KREMEN1: variants seen among roughly 807,000 people sequenced by gnomAD.
KREMEN1 encodes the protein kringle containing transmembrane protein 1, also known as kremen protein 1.
Under a neutral mutation model 46.5 loss-of-function variants are expected in KREMEN1, and 30 were observed. The ratio of observed to expected loss-of-function variants is 0.65; its 90% CI spans 0.48 to 0.88. The LOEUF (loss-of-function observed/expected upper bound fraction) is 0.88, where lower values mean the gene tolerates loss of function less well. Among genes scored for constraint, KREMEN1 ranks in the 40% least tolerant of loss-of-function variants. The pLI is 0.00. For missense variants in KREMEN1, 533 were observed against 596.9 expected (o/e 0.89, Z 1.11); for synonymous variants, 214 against 230.6 (o/e 0.93, Z 0.65).
chr22:29,101,729 CAGGTTTGTAGCCT>C (rs1337434587), intron 3 of KREMEN1, among the ~76,000 whole-genome samples: 1 of 152,186 alleles, frequency 6.6e-6, no homozygotes, highest in Non-Finnish European at 1.5e-5. Flanking sequence ...ACATGCTGCT[CAGGTTTGTAGCCT>C]AGGAGTGACA....
intron 4 of KREMEN1, among the ~76,000 whole-genome samples, chr22:29,124,511 G>A (rs1372990173): frequency 7.1e-5 from 10 of 141,440 alleles, no homozygotes; most frequent in Admixed American, 3.6e-4. Context: ...TTTTTTCTTT[G>A]AGACAGAGTC....
Position 29,167,496 on chromosome 22 carries a change from C to G in KREMEN1, c.*390C>G, listed in dbSNP as rs376220051. ...CTTTGGGACCTTTGGGGGTGAGTTC[C>G]CCTTTGTCCTCTCGTGGAAACAGCA... On this transcript the variant is annotated 3_prime_UTR_variant, in exon 10 of 10. Transcript: ENST00000327813. 13 of 184,476 alleles carry G rather than the reference C, an allele frequency of 7.0e-5. No individual in the cohort carries two copies. The East Asian group carries it at 1.8e-3, about 25-fold the overall frequency. 11.4% of individuals were successfully genotyped at this position (184,476 alleles called of 1,614,324 possible).
chr22:29,138,319 C>T (rs538492950), intron 6 of KREMEN1, among the ~76,000 whole-genome samples: 58 of 152,194 alleles, frequency 3.8e-4, no homozygotes, highest in Non-Finnish European at 7.2e-4. Context: ...AGGAAAAAAG[C>T]GAACCTTCCA....
chr22:29,127,552 A>G (rs556406772), intron 5 of KREMEN1, among the ~76,000 whole-genome samples: 2 of 152,022 alleles, frequency 1.3e-5, no homozygotes, highest in South Asian at 4.2e-4. Flanking sequence ...AATCCCAGCT[A>G]CTCGGGAGGC....
At chr22:29,095,604 T>C (rs1215649025) in intron 2 of KREMEN1, among the ~76,000 whole-genome samples, 3 of 152,234 alleles carry the variant, frequency 2.0e-5, no homozygotes, top group Non-Finnish European at 2.9e-5. Context: ...TCCCTGGTTC[T>C]ACATACATTG....
intron 1 of KREMEN1, among the ~76,000 whole-genome samples, chr22:29,083,450 T>A (rs1735960547): frequency 6.6e-6 from 1 of 152,222 alleles, no homozygotes. Context: ...TCTCAAAAAG[T>A]GTCTTTTGGA....
In KREMEN1 at chr22:29,126,211, A is replaced by G. The variant is rs75425991; in HGVS notation, c.631+795A>G. Among the ~76,000 whole-genome samples the G allele has an allele frequency of 1.1e-4, 17 of 152,194 alleles. No homozygotes were observed. In the East Asian group the frequency reaches 2.5e-3, roughly 22 times the overall value. On this transcript the variant is annotated intron_variant, in intron 5 of 8. Transcript: ENST00000400335. ...GAGGAGGTGCGCTACTGGCATCTCA[A>G]CCAGGCAGCATGGCTAGTTTTGAGC... is the stretch of plus-strand genomic sequence containing the variant.
chr22:29,140,693 G>C (rs12166535), intron 8 of KREMEN1, among the ~76,000 whole-genome samples: 1 of 152,182 alleles, frequency 6.6e-6, no homozygotes, highest in African/African-American at 2.4e-5. Context: ...TAGCTAGGAC[G>C]ATGCCGTGCA....
At chr22:29,120,413 A>ATGG in intron 3 of KREMEN1, among the ~76,000 whole-genome samples, 1 of 126,050 alleles carries the variant, frequency 7.9e-6, no homozygotes, top group East Asian at 2.9e-4. Flanking sequence ...AGAGGTGATG[A>ATGG]AGGAAACAGG....
intron 9 of KREMEN1, among the ~76,000 whole-genome samples, chr22:29,161,716 C>G (rs1214362770): frequency 6.6e-6 from 1 of 152,046 alleles, no homozygotes; most frequent in Non-Finnish European, 1.5e-5. Flanking sequence ...ACCCTGACCT[C>G]AAAACCTGGC....
intron 1 of KREMEN1, among the ~76,000 whole-genome samples, chr22:29,077,640 A>G (rs1389714983): frequency 6.6e-6 from 1 of 152,274 alleles, no homozygotes; most frequent in Admixed American, 6.5e-5. Flanking sequence ...TTAAAATTAT[A>G]GATTTTTTAA....
chr22:29,088,515 A>G (rs565472274), intron 1 of KREMEN1, among the ~76,000 whole-genome samples: 1 of 152,212 alleles, frequency 6.6e-6, no homozygotes, highest in South Asian at 2.1e-4. Context: ...TTTTTGGTAG[A>G]GATGGGGTTT....
intron 3 of KREMEN1, among the ~76,000 whole-genome samples, chr22:29,115,406 A>G (rs756137977): frequency 4.6e-5 from 7 of 150,604 alleles, no homozygotes; most frequent in Non-Finnish European, 8.8e-5. Flanking sequence ...GTAACCAAAC[A>G]CCACCTGTTC....
chr22:29,120,980 A>G (rs1200213690), intron 3 of KREMEN1, among the ~76,000 whole-genome samples: 1 of 152,192 alleles, frequency 6.6e-6, no homozygotes, highest in Non-Finnish European at 1.5e-5. Flanking sequence ...TGGGCTTCTG[A>G]GAGGGCTTTT....
chr22:29,120,541 G>A (rs1307384250), intron 3 of KREMEN1, among the ~76,000 whole-genome samples: 6 of 149,266 alleles, frequency 4.0e-5, no homozygotes, highest in Non-Finnish European at 9.0e-5. Context: ...AAACGGAGGA[G>A]GGAGAGGTGA....
intron 3 of KREMEN1, among the ~76,000 whole-genome samples, chr22:29,120,026 GAGGGAGGAAGGAGAGGTGATGATGGAAAC>G (rs2038307012): frequency 6.1e-5 from 8 of 130,406 alleles, no homozygotes; most frequent in Non-Finnish European, 9.4e-5. Context: ...GAAGGAAACA[GAGGGAGGAAGGAGAGGTGATGATGGAAAC>G]AGGGAGGAGG....
chr22:29,156,455 G>T (rs2038962572), intron 9 of KREMEN1, among the ~76,000 whole-genome samples: 1 of 152,246 alleles, frequency 6.6e-6, no homozygotes. Flanking sequence ...CAGGGCGTCT[G>T]ATCTTCCACC....
At chr22:29,164,722 G>A (rs2039038500) in intron 9 of KREMEN1, among the ~76,000 whole-genome samples, 1 of 140,536 alleles carries the variant, frequency 7.1e-6, no homozygotes, top group African/African-American at 2.7e-5. Context: ...CTCCAGCCTG[G>A]GCTACAAGAG....
chr22:29,084,416 G>A (rs1178723276), intron 1 of KREMEN1, among the ~76,000 whole-genome samples: 3 of 152,110 alleles, frequency 2.0e-5, no homozygotes, highest in African/African-American at 7.2e-5. Context: ...TCTATTTTAT[G>A]GGTTTATAAT....
Sources: allele counts gnomAD v4.1 joint callset (sites outside exome capture counted in the v4.1 genomes callset), GRCh38; gene constraint gnomAD v4.1.1; transcripts MANE v1.5; gene names NCBI Gene and HGNC (gene_info 2026-07-23, HGNC 2026-07-21).